TXNDC11: variants seen among roughly 807,000 people sequenced by gnomAD.
TXNDC11 encodes thioredoxin domain containing 11.
In TXNDC11, 68 loss-of-function variants were observed where a neutral mutation model predicts 78.0. The ratio of observed to expected loss-of-function variants is 0.87; its 90% CI spans 0.72 to 1.07. The LOEUF is 1.07. Among genes scored for constraint, TXNDC11 ranks in the 50% least tolerant of loss-of-function variants. The probability of loss-of-function intolerance (pLI) is 0.00; values close to 1 mark genes in which losing one functional copy is unlikely to be tolerated. For missense variants in TXNDC11, 1,389 were observed against 1,221.8 expected, an observed-to-expected ratio of 1.14 and a Z score of -2.04; for synonymous variants, 571 against 495.2, an observed-to-expected ratio of 1.15 and a Z score of -2.03.
intron 4 of TXNDC11, among the ~76,000 whole-genome samples, chr16:11,725,148 T>C (rs531615440): frequency 1.3e-5 from 2 of 152,334 alleles, no homozygotes; most frequent in Admixed American, 1.3e-4. Flanking sequence ...ATTCATTATT[T>C]ACAAGGGAAG....
rs8191353 is a variant in TXNDC11, at chr16:11,679,950, G to T, written c.2235-113C>A. On this transcript the variant is annotated intron_variant, in intron 11 of 11. Coordinates refer to ENST00000283033, the MANE Select transcript of TXNDC11 (RefSeq NM_015914.7). The surrounding 1 kb of genome is among the most constrained non-coding windows in gnomAD (Gnocchi z 4.6). Reference sequence around the variant, plus strand: ...ACTTCTCACCAAGAAAAGACGTTCCGTGGATTTTACTTACTGAAAGTAAGG... The same window carrying T: ...ACTTCTCACCAAGAAAAGACGTTCCTTGGATTTTACTTACTGAAAGTAAGG... 1 of 957,366 alleles carries T rather than the reference G, an allele frequency of 1.0e-6. No homozygotes were observed. Among genetic ancestry groups the T allele is most frequent in the Non-Finnish European group, 1.6e-6 (1 of 643,002 alleles). 59.3% of individuals were successfully genotyped at this position (957,366 alleles called of 1,614,324 possible).
rs141031693 is a variant in TXNDC11, at chr16:11,700,585, T to C, written c.794-21A>G. The C allele has an allele frequency of 2.2e-6, 3 of 1,366,904 alleles. No individual in the cohort carries two copies. In the African/African-American group the frequency reaches 4.3e-5, roughly 20 times the overall value. The allele number at this position is 1,366,904 out of a possible 1,614,324, so 84.7% of individuals were successfully genotyped here. ...GTAATCTGAAACAGAAAATTTTCCTTTATTAAAGAAAAGGCCTGTGCCTTA... is the reference window on the plus strand; with the variant it reads ...GTAATCTGAAACAGAAAATTTTCCTCTATTAAAGAAAAGGCCTGTGCCTTA... On this transcript the variant is annotated intron_variant, in intron 5 of 11. Coordinates refer to ENST00000283033, the MANE Select transcript of TXNDC11 (RefSeq NM_015914.7).
At chr16:11,713,898 A>T (rs1047605476) in intron 5 of TXNDC11, among the ~76,000 whole-genome samples, 1 of 152,122 alleles carries the variant, frequency 6.6e-6, no homozygotes, top group Non-Finnish European at 1.5e-5. Context: ...GAACTGTTAA[A>T]CTCAATGTCT....
chr16:11,708,486 C>T (rs188046583), intron 5 of TXNDC11, among the ~76,000 whole-genome samples: 5 of 152,282 alleles, frequency 3.3e-5, no homozygotes, highest in Admixed American at 3.3e-4. Flanking sequence ...ACTGAAAGAA[C>T]AGAGAGAAAC....
chr16:11,702,092 G>GTGTATATATATATATATATATATA (rs150869552), intron 5 of TXNDC11, among the ~76,000 whole-genome samples: 10 of 144,328 alleles, frequency 6.9e-5, no homozygotes, highest in African/African-American at 2.6e-4. Flanking sequence ...GTATGTATGT[G>GTGTATATATATATATATATATATA]TATATATATA....
intron 7 of TXNDC11, among the ~76,000 whole-genome samples, chr16:11,694,134 A>T (rs2050794881): frequency 9.4e-6 from 1 of 106,578 alleles, no homozygotes. Context: ...TTTGAGACAG[A>T]GTTTCACTCT....
rs543016800 is a variant in TXNDC11, at chr16:11,733,055, C to T, written c.569+927G>A. 7.2e-5 allele frequency among the ~76,000 whole-genome samples: 11 copies of T among 152,132 alleles called. No homozygotes were observed. In the South Asian group the frequency reaches 2.1e-3, roughly 29 times the overall value. On this transcript the variant is annotated intron_variant, in intron 3 of 11. Transcript: ENST00000283033. Reference sequence around the variant, plus strand: ...GGCTGTACTCTAGTACAGCCTAGGTCGAGACCAGCCTGGCAACATGGTAAA... The same window carrying T: ...GGCTGTACTCTAGTACAGCCTAGGTTGAGACCAGCCTGGCAACATGGTAAA...
chr16:11,685,972 T>C (rs2050558039), intron 10 of TXNDC11, among the ~76,000 whole-genome samples: 1 of 152,210 alleles, frequency 6.6e-6, no homozygotes, highest in South Asian at 2.1e-4. Flanking sequence ...TACTTTTTTT[T>C]TTCTGAGACA....
rs192633058 is a variant in TXNDC11 at position 11,721,464 on chromosome 16, C to T, written c.793+113G>A. On this transcript the variant is annotated intron_variant, in intron 5 of 11. Transcript: ENST00000283033. ...AAAAAAAATAAAATAAATAAAAATA[C>T]GTTGAGAAAAGGAATCAAGCAAATT... 2.0e-4 allele frequency: 118 copies of T among 592,052 alleles called. No homozygotes were observed. The Admixed American group carries it at 3.0e-3, about 15-fold the overall frequency. 36.7% of individuals were successfully genotyped at this position (592,052 alleles called of 1,614,324 possible).
At chr16:11,723,185 G>C (rs905461952) in intron 4 of TXNDC11, among the ~76,000 whole-genome samples, 30 of 152,166 alleles carry the variant, frequency 2.0e-4, no homozygotes, top group African/African-American at 6.5e-4. Flanking sequence ...TTGAACCCAG[G>C]GGGTGGAGGC....
intron 5 of TXNDC11, among the ~76,000 whole-genome samples, chr16:11,718,718 G>GAATT (rs747176966): frequency 2.0e-5 from 3 of 152,050 alleles, no homozygotes; most frequent in African/African-American, 4.8e-5. Flanking sequence ...GGATTAATTA[G>GAATT]AATTAATTAA....
chr16:11,708,800 T>C (rs1020256836), intron 5 of TXNDC11, among the ~76,000 whole-genome samples: 1 of 152,240 alleles, frequency 6.6e-6, no homozygotes, highest in Non-Finnish European at 1.5e-5. Context: ...CATAGTACCT[T>C]CCATCTGTTG....
intron 3 of TXNDC11, among the ~76,000 whole-genome samples, chr16:11,733,655 T>G (rs1335079700): frequency 6.6e-6 from 1 of 152,240 alleles, no homozygotes; most frequent in Non-Finnish European, 1.5e-5. Flanking sequence ...ATTTTGTGTA[T>G]TTTTACAAAA....
chr16:11,689,087 CT>C (rs34967613), intron 8 of TXNDC11, among the ~76,000 whole-genome samples: 158 of 143,086 alleles, frequency 1.1e-3, no homozygotes, highest in Middle Eastern at 3.5e-3. Flanking sequence ...TTGAATTTCA[CT>C]TTTTTTTTTT....
chr16:11,691,204 A>C, intron 8 of TXNDC11, 86 bp downstream of exon 8: 1 of 1,157,294 alleles, frequency 8.6e-7, no homozygotes. Flanking sequence ...CCCACAACTA[A>C]ATGTAATGAG....
intron 5 of TXNDC11, among the ~76,000 whole-genome samples, chr16:11,716,530 A>G (rs1022348213): frequency 6.6e-6 from 1 of 152,202 alleles, no homozygotes; most frequent in South Asian, 2.1e-4. Flanking sequence ...AACATATACA[A>G]AGATTGCCAG....
In TXNDC11 at chr16:11,742,593, GC is replaced by G; in HGVS notation, c.137del (p.Gly46AlafsTer45). ...SPTLATASSA[G>X]RLRRGLRGAF... Reference sequence around the variant, plus strand: ...CGCCACGCAGCCCGCGACGGAGCCGGCCCGCCGAGGACGCTGTGGCCAGGGT... The same window carrying G: ...CGCCACGCAGCCCGCGACGGAGCCGGCCGCCGAGGACGCTGTGGCCAGGGT... On this transcript the variant is annotated frameshift_variant, in exon 1 of 12. Transcript: ENST00000283033. LOFTEE classifies it high-confidence loss of function. The G allele has an allele frequency of 6.9e-7, 1 of 1,457,310 alleles. No individual in the cohort carries two copies. The highest frequency in any genetic ancestry group is 9.0e-7 in the Non-Finnish European group (1 of 1,110,802). The allele number at this position is 1,457,310 out of a possible 1,614,324, so 90.3% of individuals were successfully genotyped here. A position where few individuals can be genotyped will look rare whatever the true frequency, so the allele number is the denominator to read the frequency against.
intron 3 of TXNDC11, among the ~76,000 whole-genome samples, 185 bp from the exon 4 acceptor site, chr16:11,730,959 T>C (rs2052027606): frequency 1.3e-5 from 2 of 152,084 alleles, no homozygotes; most frequent in Admixed American, 6.5e-5. Flanking sequence ...AGAACAAGCA[T>C]TTTGGGTGAG....
chr16:11,684,461 A>G (rs1475321799), intron 10 of TXNDC11, among the ~76,000 whole-genome samples: 1 of 152,162 alleles, frequency 6.6e-6, no homozygotes, highest in Non-Finnish European at 1.5e-5. Context: ...CTGAGTGGCA[A>G]TGTGATGTCC....
Sources: allele counts gnomAD v4.1 joint callset (sites outside exome capture counted in the v4.1 genomes callset), GRCh38; gene constraint gnomAD v4.1.1; non-coding constraint Gnocchi (gnomAD v3.1); transcripts MANE v1.5; gene names NCBI Gene and HGNC (gene_info 2026-07-23, HGNC 2026-07-21).